PRLR: variants seen among roughly 807,000 people sequenced by gnomAD.
PRLR encodes the protein prolactin receptor, also known as hPRL receptor.
Under a neutral mutation model 40.2 loss-of-function variants are expected in PRLR, and 13 were observed. The ratio of observed to expected loss-of-function variants is 0.32; its 90% CI spans 0.21 to 0.51. The LOEUF is 0.51. Among genes scored for constraint, PRLR ranks in the 20% least tolerant of loss-of-function variants. The pLI is 0.97. For missense variants in PRLR, 656 were observed against 747.3 expected, an observed-to-expected ratio of 0.88 and a Z score of 1.42; for synonymous variants, 269 against 278.7, an observed-to-expected ratio of 0.97 and a Z score of 0.35.
chr5:35,130,016 C>T lies in PRLR; in HGVS notation c.-105-11894G>A, dbSNP rs1053955218. ...AATGCAGAGGGTGAAGTCACAGAGC[C>T]TGCCAGATTTACCAAGGGTGCCTGC... On this transcript the variant is annotated intron_variant, in intron 1 of 9. Transcript: ENST00000618457. 2.0e-5 allele frequency among the ~76,000 whole-genome samples: 3 copies of T among 152,284 alleles called. No individual in the cohort carries two copies. The East Asian group carries it at 5.8e-4, about 29-fold the overall frequency.
Position 35,189,450 on chromosome 5 carries a change from G to A in PRLR, c.-106+40818C>T, listed in dbSNP as rs1435742718. Among the ~76,000 whole-genome samples the A allele has an allele frequency of 2.0e-5, 3 of 152,230 alleles. No homozygotes were observed. In the East Asian group the frequency reaches 5.8e-4, roughly 29 times the overall value. ...ACAAAAATTAACCAGGCGCCATGGT[G>A]CATGCCTGTATTCCCAGCTACTAGG... On this transcript the variant is annotated intron_variant, in intron 1 of 9. Coordinates refer to ENST00000618457, the MANE Select transcript of PRLR (RefSeq NM_000949.7).
At chr5:35,097,989 G>A (rs1174453768) in intron 2 of PRLR, among the ~76,000 whole-genome samples, 1 of 152,162 alleles carries the variant, frequency 6.6e-6, no homozygotes, top group African/African-American at 2.4e-5. Flanking sequence ...TTAGAACTTA[G>A]ATAGAGGCAT....
At chr5:35,164,772 A>G (rs1475799457) in intron 1 of PRLR, among the ~76,000 whole-genome samples, 1 of 152,242 alleles carries the variant, frequency 6.6e-6, no homozygotes, top group Non-Finnish European at 1.5e-5. Flanking sequence ...AGGCTGCTGG[A>G]GGACTCAGTC....
chr5:35,120,318 T>G (rs1349316462), intron 1 of PRLR, among the ~76,000 whole-genome samples: 2 of 152,132 alleles, frequency 1.3e-5, no homozygotes, highest in African/African-American at 2.4e-5. Context: ...GGTGACAAAT[T>G]CCCTTGTTCT....
chr5:35,053,517 G>T (rs1040872316), downstream of PRLR, among the ~76,000 whole-genome samples: 1 of 152,090 alleles, frequency 6.6e-6, no homozygotes, highest in Non-Finnish European at 1.5e-5. Flanking sequence ...GCTGGGTGTG[G>T]TGGTGTGGGC....
chr5:35,183,042 C>T (rs180747142), intron 1 of PRLR, among the ~76,000 whole-genome samples: 4 of 152,348 alleles, frequency 2.6e-5, no homozygotes, highest in African/African-American at 7.2e-5. Flanking sequence ...TCTAGCCCCT[C>T]TCCCACCCAA....
chr5:35,182,576 T>C (rs1400798885), intron 1 of PRLR, among the ~76,000 whole-genome samples: 1 of 152,230 alleles, frequency 6.6e-6, no homozygotes, highest in Non-Finnish European at 1.5e-5. Context: ...GGAGCTGCTT[T>C]ATTTCACACA....
intron 5 of PRLR, among the ~76,000 whole-genome samples, 170 bp downstream of exon 5, chr5:35,084,300 A>G (rs527969647): frequency 6.6e-6 from 1 of 152,324 alleles, no homozygotes; most frequent in South Asian, 2.1e-4. Flanking sequence ...AGTGTCATGA[A>G]TGACTTGATA....
In PRLR at chr5:35,065,663, T is replaced by C. The variant is rs201329185; in HGVS notation, c.1295A>G (p.Asn432Ser). 3.7e-5 allele frequency: 60 copies of C among 1,614,094 alleles called. No homozygotes were observed. The African/African-American group carries it at 5.6e-4, about 15-fold the overall frequency. ...AGCCAGCTCACACACATCAGTAATA[T>C]TGTGGTAAGAGGATCTGGGGTTGTG... ...SQHNPRSSYH[N>S]ITDVCELAVG... Residue 432 changes from asparagine (N) to serine (S), a missense_variant, in exon 10 of 10, where the codon AAT becomes AGT. By Grantham distance (46) the Asn-to-Ser change is conservative (BLOSUM62 1). Coordinates refer to ENST00000618457, the MANE Select transcript of PRLR (RefSeq NM_000949.7).
At chr5:35,220,331 C>T (rs1173923937) in intron 1 of PRLR, among the ~76,000 whole-genome samples, 1 of 152,116 alleles carries the variant, frequency 6.6e-6, no homozygotes, top group Non-Finnish European at 1.5e-5. Flanking sequence ...CAACTCAGAC[C>T]TTTTCCAGTC....
chr5:35,147,251 A>C (rs1445771327), intron 1 of PRLR, among the ~76,000 whole-genome samples: 2 of 152,186 alleles, frequency 1.3e-5, no homozygotes, highest in African/African-American at 4.8e-5. Context: ...AATCTCCCTG[A>C]GATTTGCTGC....
At position 35,122,591 on chromosome 5, in the gene PRLR, C is replaced by T. The variant is rs141895387; in HGVS notation, c.-105-4469G>A. Among the ~76,000 whole-genome samples the T allele has an allele frequency of 2.8e-4, 43 of 152,204 alleles. 1 individual carries two copies. The highest frequency in any genetic ancestry group is 1.6e-3 in the Admixed American group (24 of 15,286). On this transcript the variant is annotated intron_variant, in intron 1 of 9. Coordinates refer to ENST00000618457, the MANE Select transcript of PRLR (RefSeq NM_000949.7). ...CCTGACAAATTGTCAGATAAACTGA[C>T]GTTAGGCCAATGTTAGTCTTTAGTC...
chr5:35,077,298 C>T, intron 5 of PRLR, among the ~76,000 whole-genome samples: 1 of 152,044 alleles, frequency 6.6e-6, no homozygotes, highest in African/African-American at 2.4e-5. Flanking sequence ...ATTCAGGAGA[C>T]CCATTTCCCA....
intron 2 of PRLR, among the ~76,000 whole-genome samples, chr5:35,098,343 G>C (rs1052951582): frequency 7.2e-5 from 11 of 152,134 alleles, no homozygotes; most frequent in Non-Finnish European, 4.4e-5. Context: ...GCCCCACTGA[G>C]AGCCCAGCTG....
intron 1 of PRLR, among the ~76,000 whole-genome samples, chr5:35,135,729 C>T (rs1773836185): frequency 1.3e-5 from 2 of 152,124 alleles, no homozygotes; most frequent in South Asian, 2.1e-4. Flanking sequence ...CTTTGTTAGA[C>T]GCGGCAATCA....
chr5:35,063,757 A>G lies in PRLR; in HGVS notation c.*1332T>C, dbSNP rs1045178446. 6.6e-6 allele frequency: 1 copy of G among 152,214 alleles called. No individual in the cohort carries two copies. The highest frequency in any genetic ancestry group is 2.4e-5 in the African/African-American group (1 of 41,456). 9.4% of individuals were successfully genotyped at this position (152,214 alleles called of 1,614,324 possible). On this transcript the variant is annotated 3_prime_UTR_variant, in exon 10 of 10. Transcript: ENST00000618457. ...AACCTCTCTCTTTTAAACAGCTGTT[A>G]GAAATCGTCGCCCTCCCTTTTTATG...
intron 1 of PRLR, among the ~76,000 whole-genome samples, chr5:35,179,364 A>G (rs1448595316): frequency 6.6e-6 from 1 of 152,202 alleles, no homozygotes; most frequent in East Asian, 1.9e-4. Flanking sequence ...GTCAGTATTT[A>G]CTTTCTTTCT....
intron 2 of PRLR, among the ~76,000 whole-genome samples, chr5:35,090,147 T>C (rs1396197430): frequency 6.6e-6 from 1 of 152,170 alleles, no homozygotes; most frequent in African/African-American, 2.4e-5. Flanking sequence ...AGGGAGGCTT[T>C]GAAGGTTCAA....
At chr5:35,072,423 G>A (rs994608491) in intron 6 of PRLR, 152 bp downstream of exon 6, 1 of 823,184 alleles carries the variant, frequency 1.2e-6, no homozygotes, top group Non-Finnish European at 1.9e-6. Context: ...CCAATAGAGG[G>A]GAAAAGGGCT....
Sources: gnomAD v4.1 joint callset for allele counts (sites outside exome capture counted in the v4.1 genomes callset) on GRCh38, gnomAD v4.1.1 for gene constraint, MANE v1.5 for transcripts, NCBI Gene and HGNC (gene_info 2026-07-23, HGNC 2026-07-21) for gene names.